Variants in LSM8 observed in about 807,000 individuals in gnomAD.
The protein encoded by LSM8 is LSM8 homolog, U6 small nuclear RNA associated, also known as LSM8 U6 small nuclear RNA associated.
Under a neutral mutation model 15.0 loss-of-function variants are expected in LSM8, and 14 were observed. The ratio of observed to expected loss-of-function variants is 0.93; its 90% CI spans 0.62 to 1.46. LSM8 has a LOEUF of 1.46. LSM8 is among the 40% of genes most tolerant of loss of function. The probability of loss-of-function intolerance (pLI) is 0.00; values close to 1 mark genes in which losing one functional copy is unlikely to be tolerated. For missense variants in LSM8, 90 were observed against 115.4 expected (o/e 0.78, Z 1.01); for synonymous variants, 50 against 42.1 (o/e 1.19, Z -0.73).
chr7:118,188,517 G>T, intron 3 of LSM8, 112 bp downstream of exon 3: 1 of 969,034 alleles, frequency 1.0e-6, no homozygotes, highest in East Asian at 2.8e-5. Flanking sequence ...ATAGAATCTT[G>T]CATTCATTTC....
At chr7:118,189,426 GC>G (rs2115918743) in intron 3 of LSM8, 1 of 152,416 alleles carries the variant, frequency 6.6e-6, no homozygotes, top group East Asian at 1.9e-4. Context: ...GGTGGCGCAA[GC>G]CTGTAATCCC....
chr7:118,188,086 C>T (rs1240044704), intron 2 of LSM8, among the ~76,000 whole-genome samples, 192 bp from the exon 3 acceptor site: 1 of 152,148 alleles, frequency 6.6e-6, no homozygotes, highest in Non-Finnish European at 1.5e-5. Flanking sequence ...CAGGTCCCCC[C>T]ACCCCAGCCA....
rs1474896377 is a variant in LSM8 at position 118,198,975 on chromosome 7, A to C, written c.*6973A>C. Among the ~76,000 whole-genome samples the C allele has an allele frequency of 1.3e-5, 2 of 152,198 alleles. No individual in the cohort carries two copies. Among genetic ancestry groups the C allele is most frequent in the East Asian group, 3.9e-4 (2 of 5,190 alleles). On this transcript the variant is annotated 3_prime_UTR_variant, in exon 4 of 4. Coordinates refer to ENST00000249299, the MANE Select transcript of LSM8 (RefSeq NM_016200.5). ...ACCCTCATAAAAACCCTGAACACCAAGGCTCAAGAGAGCTTATTAGCAATA... is the reference window on the plus strand; with the variant it reads ...ACCCTCATAAAAACCCTGAACACCACGGCTCAAGAGAGCTTATTAGCAATA...
At position 118,201,103 on chromosome 7, in the gene LSM8, C is replaced by A. The variant is rs62466515; in HGVS notation, c.*9101C>A. Among the ~76,000 whole-genome samples the A allele has an allele frequency of 0.45, 68,228 of 151,860 alleles. 17,874 individuals carry two copies. The highest frequency in any genetic ancestry group is 0.59 in the South Asian group (2,847 of 4,820). ...ATTTGAAATAACTATAAAAATAAAC[C>A]TTTAATGAACTTTTTAATATGCAAT... On this transcript the variant is annotated 3_prime_UTR_variant, in exon 4 of 4. Coordinates refer to ENST00000249299, the MANE Select transcript of LSM8 (RefSeq NM_016200.5).
At chr7:118,191,458 A>C (rs955142804) in intron 3 of LSM8, 1 of 153,376 alleles carries the variant, frequency 6.5e-6, no homozygotes, top group Non-Finnish European at 1.5e-5. Context: ...GCTGTTGTCT[A>C]TATCATTGAT....
chr7:118,195,024 T>A lies in LSM8; in HGVS notation c.*3022T>A, dbSNP rs886077694. 3.3e-5 allele frequency among the ~76,000 whole-genome samples: 5 copies of A among 152,166 alleles called. No homozygotes were observed. Among genetic ancestry groups the A allele is most frequent in the Non-Finnish European group, 7.3e-5 (5 of 68,030 alleles). ...TATCAGAAAGTATAGTCTTAAAATC[T>A]GCTATCAAGCATCTATCAGAAGCCT... is the stretch of plus-strand genomic sequence containing the variant. On this transcript the variant is annotated 3_prime_UTR_variant, in exon 4 of 4. Transcript: ENST00000249299.
rs1257165989 is a variant in LSM8 at position 118,197,209 on chromosome 7, T to G, written c.*5207T>G. 1.4e-5 allele frequency among the ~76,000 whole-genome samples: 2 copies of G among 142,656 alleles called. No homozygotes were observed. Among genetic ancestry groups the G allele is most frequent in the East Asian group, 4.1e-4 (2 of 4,900 alleles). 93.6% of individuals were successfully genotyped at this position (142,656 alleles called of 152,430 possible). ...CTATTATGTAGGTTTTTTTTTTTTT[T>G]CCACATATACTGGCTTTACAAATGC... On this transcript the variant is annotated 3_prime_UTR_variant, in exon 4 of 4. Coordinates refer to ENST00000249299, the MANE Select transcript of LSM8 (RefSeq NM_016200.5).
chr7:118,191,020 G>T (rs907245309), intron 3 of LSM8: 2 of 151,762 alleles, frequency 1.3e-5, no homozygotes, highest in Non-Finnish European at 2.9e-5. Context: ...CATGAGAATC[G>T]CTTGAACCTG....
At chr7:118,185,470 C>T (rs906554783) in intron 1 of LSM8, 184 bp from the exon 2 acceptor site, 30 of 583,584 alleles carry the variant, frequency 5.1e-5, no homozygotes, top group Non-Finnish European at 8.5e-5. Flanking sequence ...GGTCTCACCT[C>T]AAGTGATCCT....
At position 118,199,145 on chromosome 7, in the gene LSM8, C is replaced by T. The variant is rs1469680694; in HGVS notation, c.*7143C>T. Among the ~76,000 whole-genome samples, 1 of 152,106 alleles carries T rather than the reference C, an allele frequency of 6.6e-6. No homozygotes were observed. The highest frequency in any genetic ancestry group is 6.6e-5 in the Admixed American group (1 of 15,260). On this transcript the variant is annotated 3_prime_UTR_variant, in exon 4 of 4. Coordinates refer to ENST00000249299, the MANE Select transcript of LSM8 (RefSeq NM_016200.5). ...CCATTTACTGATTTTAATCTATATCCTCTCACTATAATCTGCAACTGGGAG... is the reference window on the plus strand; with the variant it reads ...CCATTTACTGATTTTAATCTATATCTTCTCACTATAATCTGCAACTGGGAG...
In LSM8 at chr7:118,185,708, A is replaced by AT. The variant is rs773572543; in HGVS notation, c.72+18dup. The AT allele has an allele frequency of 1.2e-6, 2 of 1,603,988 alleles. No individual in the cohort carries two copies. The highest frequency in any genetic ancestry group is 4.5e-5 in the East Asian group (2 of 44,708). On this transcript the variant is annotated intron_variant, in intron 2 of 3. Transcript: ENST00000249299. Reference sequence around the variant, plus strand: ...AGAATGATTGTGGTAAGTCTTTGGAATTTTCATTCTCTGCTTTCCTGTAGG... The same window carrying AT: ...AGAATGATTGTGGTAAGTCTTTGGAATTTTTCATTCTCTGCTTTCCTGTAGG...
chr7:118,202,397 A>AT lies in LSM8; in HGVS notation c.*10395_*10396insT, dbSNP rs2115947460. On this transcript the variant is annotated 3_prime_UTR_variant, in exon 4 of 4. Coordinates refer to ENST00000249299, the MANE Select transcript of LSM8 (RefSeq NM_016200.5). ...AGTTCAGACTGGGGCACCTACTCAAAGAAGTGACCCAGTACCCAGGCCACT... is the reference window on the plus strand; with the variant it reads ...AGTTCAGACTGGGGCACCTACTCAAATGAAGTGACCCAGTACCCAGGCCACT... Among the ~76,000 whole-genome samples, 1 of 152,142 alleles carries AT rather than the reference A, an allele frequency of 6.6e-6. No individual in the cohort carries two copies. Among genetic ancestry groups the AT allele is most frequent in the East Asian group, 1.9e-4 (1 of 5,182 alleles).
In LSM8 at chr7:118,199,790, T is replaced by G. The variant is rs181974700; in HGVS notation, c.*7788T>G. On this transcript the variant is annotated 3_prime_UTR_variant, in exon 4 of 4. Transcript: ENST00000249299. ...CCTCCCCAGCAAGTAAATACTGACA[T>G]GGTGAAGATATGTATTGGGTGATAT... Among the ~76,000 whole-genome samples the G allele has an allele frequency of 6.6e-6, 1 of 152,180 alleles. No homozygotes were observed. The highest frequency in any genetic ancestry group is 1.5e-5 in the Non-Finnish European group (1 of 67,982).
intron 3 of LSM8, chr7:118,188,607 C>A: frequency 2.4e-6 from 1 of 408,678 alleles, no homozygotes; most frequent in Non-Finnish European, 4.2e-6. Context: ...CTTTAGGTTT[C>A]AACCAAAGCT....
rs1690964149 is a variant in LSM8 at position 118,203,025 on chromosome 7, CAGT to C, written c.*11026_*11028del. Among the ~76,000 whole-genome samples the C allele has an allele frequency of 6.6e-6, 1 of 151,856 alleles. No individual in the cohort carries two copies. The highest frequency in any genetic ancestry group is 2.4e-5 in the African/African-American group (1 of 41,386). The stretch of plus-strand genomic sequence containing the variant: ...GTCTTTAAAAACTGTAGCCTTAAAT[CAGT>C]AGGGATATAGAAGACATGAACAATA... On this transcript the variant is annotated 3_prime_UTR_variant, in exon 4 of 4. Coordinates refer to ENST00000249299, the MANE Select transcript of LSM8 (RefSeq NM_016200.5).
At chr7:118,187,343 G>C (rs565637695) in intron 2 of LSM8, among the ~76,000 whole-genome samples, 88 of 152,282 alleles carry the variant, frequency 5.8e-4, no homozygotes, top group African/African-American at 2.0e-3. Context: ...TGTTATGCTA[G>C]ACCCATGTCT....
At position 118,199,633 on chromosome 7, in the gene LSM8, CA is replaced by C. The variant is rs1809138244; in HGVS notation, c.*7633del. ...GGAAGGAAAACAAGTAACTTTGCAA[CA>C]ATCTGTTCAACAATGAGAGTTACCA... On this transcript the variant is annotated 3_prime_UTR_variant, in exon 4 of 4. Transcript: ENST00000249299. 6.6e-6 allele frequency among the ~76,000 whole-genome samples: 1 copy of C among 152,128 alleles called. No individual in the cohort carries two copies.
intron 2 of LSM8, among the ~76,000 whole-genome samples, chr7:118,186,800 A>G (rs1263222640): frequency 6.6e-6 from 1 of 152,190 alleles, no homozygotes; most frequent in Non-Finnish European, 1.5e-5. Context: ...GGCACCTCAC[A>G]TTGTATTTTT....
chr7:118,191,963 G>T lies in LSM8; in HGVS notation c.252G>T (p.Gly84=). Residue 84 remains glycine, a synonymous_variant, in exon 4 of 4, where the codon GGG becomes GGT. Transcript: ENST00000249299. ...AAACAGATTCTGCGCTTGATTTGGGGAATATTCGAGCAGAACCTTTAAATT... is the reference window on the plus strand; with the variant it reads ...AAACAGATTCTGCGCTTGATTTGGGTAATATTCGAGCAGAACCTTTAAATT... The part of the protein sequence containing the change: ...DEETDSALDL[G]NIRAEPLNSV... The T allele has an allele frequency of 1.2e-6, 2 of 1,613,012 alleles. No homozygotes were observed. The highest frequency in any genetic ancestry group is 1.7e-6 in the Non-Finnish European group (2 of 1,179,426).
Sources: allele counts gnomAD v4.1 joint callset (sites outside exome capture counted in the v4.1 genomes callset), GRCh38; gene constraint gnomAD v4.1.1; transcripts MANE v1.5; gene names NCBI Gene and HGNC (gene_info 2026-07-23, HGNC 2026-07-21).